TSC1: variants seen among roughly 807,000 people sequenced by gnomAD.
TSC1 encodes TSC complex subunit 1.
Under a neutral mutation model 124.3 loss-of-function variants are expected in TSC1, and 20 were observed. The observed-to-expected ratio is 0.16, with a 90% CI of 0.11 to 0.23. The LOEUF is 0.23. Ranked by LOEUF, TSC1 falls within the 10% of genes least tolerant of loss-of-function variation. The pLI is 1.00. For synonymous variants in TSC1, 493 were observed against 539.1 expected (o/e 0.91, Z 1.19); for missense variants, 1,124 against 1,448.5 (o/e 0.78, Z 3.64).
At chr9:132,925,360 C>T (rs1846794335) in intron 5 of TSC1, among the ~76,000 whole-genome samples, 1 of 152,088 alleles carries the variant, frequency 6.6e-6, no homozygotes, top group African/African-American at 2.4e-5. Flanking sequence ...CCCATCTGAT[C>T]GAAATTTTTC....
chr9:132,928,935 A>T lies in TSC1; in HGVS notation c.-63T>A, dbSNP rs1053386833. On this transcript the variant is annotated 5_prime_UTR_variant, in exon 3 of 23. An upstream start codon of the reference 5' UTR is lost. Coordinates refer to ENST00000298552, the MANE Select transcript of TSC1 (RefSeq NM_000368.5). ...GTGCTACAGGTTCTGAAGGTTCTTCATTGGGGCCACTACCAAACTGAGAAA... is the reference window on the plus strand; with the variant it reads ...GTGCTACAGGTTCTGAAGGTTCTTCTTTGGGGCCACTACCAAACTGAGAAA... 19 of 1,608,726 alleles carry T rather than the reference A, an allele frequency of 1.2e-5. No homozygotes were observed. Among genetic ancestry groups the T allele is most frequent in the African/African-American group, 5.3e-5 (4 of 74,808 alleles).
chr9:132,938,026 T>A (rs2132436794), intron 1 of TSC1, among the ~76,000 whole-genome samples: 1 of 152,302 alleles, frequency 6.6e-6, no homozygotes, highest in Non-Finnish European at 1.5e-5. Flanking sequence ...AAGCAGAGTG[T>A]TTTTGTCCAA....
intron 2 of TSC1, among the ~76,000 whole-genome samples, chr9:132,930,581 C>T (rs1020372591): frequency 1.0e-5 from 1 of 98,072 alleles, no homozygotes; most frequent in African/African-American, 3.9e-5. Flanking sequence ...AAGCAAGACT[C>T]TGCCTCAAAA....
rs1350222885 is a variant in TSC1, at chr9:132,894,996, G to A, written c.*1239C>T. On this transcript the variant is annotated 3_prime_UTR_variant, in exon 23 of 23. Coordinates refer to ENST00000298552, the MANE Select transcript of TSC1 (RefSeq NM_000368.5). ...AGTGTCATCTCTCGGGAGCACGTGG[G>A]GCAGCCTAGTGGGTATACACAGCCA... 4 of 232,292 alleles carry A rather than the reference G, an allele frequency of 1.7e-5. No homozygotes were observed. The highest frequency in any genetic ancestry group is 3.4e-5 in the Non-Finnish European group (4 of 117,352). 14.4% of individuals were successfully genotyped at this position (232,292 alleles called of 1,614,324 possible). A position where few individuals can be genotyped will look rare whatever the true frequency, so the allele number is the denominator to read the frequency against.
rs1258774658 is a variant in TSC1, at chr9:132,925,750, A to G, written c.211-11T>C. Reference sequence around the variant, plus strand: ...CCTGTCCAAGAGGTGCTGAAAATGTAAAAGAACAAGGGCAGTCCTCACATG... The same window carrying G: ...CCTGTCCAAGAGGTGCTGAAAATGTGAAAGAACAAGGGCAGTCCTCACATG... On this transcript the variant is annotated splice_polypyrimidine_tract_variant and intron_variant, in intron 4 of 22. Transcript: ENST00000298552. 28 of 1,614,090 alleles carry G rather than the reference A, an allele frequency of 1.7e-5. No individual in the cohort carries two copies. The highest frequency in any genetic ancestry group is 2.2e-5 in the Non-Finnish European group (26 of 1,180,030).
Position 132,906,910 on chromosome 9 carries a change from T to A in TSC1, c.1334-75A>T. 1 of 1,141,430 alleles carries A rather than the reference T, an allele frequency of 8.8e-7. No individual in the cohort carries two copies. Among genetic ancestry groups the A allele is most frequent in the Non-Finnish European group, 1.3e-6 (1 of 759,320 alleles). The allele number at this position is 1,141,430 out of a possible 1,614,324, so 70.7% of individuals were successfully genotyped here. A position where few individuals can be genotyped will look rare whatever the true frequency, so the allele number is the denominator to read the frequency against. On this transcript the variant is annotated intron_variant, in intron 13 of 22. Transcript: ENST00000298552. This position sits in a 1 kb window ranked among gnomAD's most constrained non-coding sequence, Gnocchi z 4.1. ...TGTAAGTGTAAAACTGCTTACACTG[T>A]ATAGAATATGTCTGTAATAACTCTT...
In TSC1 at chr9:132,896,894, G is replaced by A. The variant is rs182885884; in HGVS notation, c.2976-140C>T. ...CTCTGTTTTATAATACTGGACTCAA[G>A]AGATCTCATCAAGAGAAACCTAAAT... On this transcript the variant is annotated intron_variant, in intron 22 of 22. Transcript: ENST00000298552. The surrounding 1 kb of genome is among the most constrained non-coding windows in gnomAD (Gnocchi z 4.5). 2.4e-5 allele frequency: 33 copies of A among 1,391,448 alleles called. No individual in the cohort carries two copies. The East Asian group carries it at 6.9e-4, about 29-fold the overall frequency. The allele number at this position is 1,391,448 out of a possible 1,614,324, so 86.2% of individuals were successfully genotyped here. A position where few individuals can be genotyped will look rare whatever the true frequency, so the allele number is the denominator to read the frequency against.
At position 132,923,929 on chromosome 9, in the gene TSC1, G is replaced by A. The variant is rs971803854; in HGVS notation, c.364-437C>T. ...TTGTTAATTAAAAAAAAAAAAAACT[G>A]CACATTGACAAGTAACTTACTATTT... is the stretch of plus-strand genomic sequence containing the variant. On this transcript the variant is annotated intron_variant, in intron 5 of 22. Coordinates refer to ENST00000298552, the MANE Select transcript of TSC1 (RefSeq NM_000368.5). The surrounding 1 kb of genome is among the most constrained non-coding windows in gnomAD (Gnocchi z 4.2). Among the ~76,000 whole-genome samples, 3 of 150,506 alleles carry A rather than the reference G, an allele frequency of 2.0e-5. No individual in the cohort carries two copies. Among genetic ancestry groups the A allele is most frequent in the African/African-American group, 7.3e-5 (3 of 40,862 alleles).
In TSC1 at chr9:132,923,906, G is replaced by A. The variant is rs1193285040; in HGVS notation, c.364-414C>T. ...CCAAATCCTAAGATACTTACTTTTT[G>A]TTAATTAAAAAAAAAAAAAACTGCA... On this transcript the variant is annotated intron_variant, in intron 5 of 22. Transcript: ENST00000298552. This position sits in a 1 kb window ranked among gnomAD's most constrained non-coding sequence, Gnocchi z 4.2. Among the ~76,000 whole-genome samples, 1 of 145,008 alleles carries A rather than the reference G, an allele frequency of 6.9e-6. No homozygotes were observed. The highest frequency in any genetic ancestry group is 2.6e-5 in the African/African-American group (1 of 38,048).
At chr9:132,914,020 T>G (rs1322119837) in intron 8 of TSC1, among the ~76,000 whole-genome samples, 2 of 145,880 alleles carry the variant, frequency 1.4e-5, no homozygotes, top group African/African-American at 2.5e-5. Flanking sequence ...TGCCTCAGTC[T>G]CCCGAGTAGC....
chr9:132,898,627 A>G (rs551754883), intron 20 of TSC1, among the ~76,000 whole-genome samples: 1 of 152,320 alleles, frequency 6.6e-6, no homozygotes, highest in East Asian at 1.9e-4. Context: ...GAACGCATCT[A>G]TCTGGCCTTC....
chr9:132,900,664 G>A (rs1372849237), intron 20 of TSC1, 51 bp downstream of exon 20: 1 of 1,611,560 alleles, frequency 6.2e-7, no homozygotes, highest in East Asian at 2.2e-5. Flanking sequence ...CATACTGTCT[G>A]GGTCTGAAAC....
rs1249295180 is a variant in TSC1 at position 132,933,059 on chromosome 9, T to G, written c.-81+1974A>C. On this transcript the variant is annotated intron_variant, in intron 2 of 22. Transcript: ENST00000298552. ...AATCTGGTGGCTGTCTGGCTTTGGC[T>G]TTGGTGTTTTGTTTGTTTTTAATTG... Among the ~76,000 whole-genome samples, 5 of 152,176 alleles carry G rather than the reference T, an allele frequency of 3.3e-5. No homozygotes were observed. In the East Asian group the frequency reaches 7.7e-4, roughly 23 times the overall value.
At chr9:132,935,150 C>A in intron 1 of TSC1, 55 bp from the exon 2 acceptor site, 1 of 398,562 alleles carries the variant, frequency 2.5e-6, no homozygotes, top group Non-Finnish European at 4.4e-6. Flanking sequence ...TAATCAAAAG[C>A]GGGTTAGGGG....
At chr9:132,929,140 A>C (rs1282026002) in intron 2 of TSC1, among the ~76,000 whole-genome samples, 188 bp from the exon 3 acceptor site, 2 of 152,258 alleles carry the variant, frequency 1.3e-5, no homozygotes, top group Non-Finnish European at 2.9e-5. Flanking sequence ...TTCTTTGGCG[A>C]GTTTATGAAG....
Position 132,927,184 on chromosome 9 carries a change from G to A in TSC1, c.210+17C>T, listed in dbSNP as rs1432418711. On this transcript the variant is annotated intron_variant, in intron 4 of 22. Coordinates refer to ENST00000298552, the MANE Select transcript of TSC1 (RefSeq NM_000368.5). ...CATGAAGAACATATGAAATGCCTAT[G>A]ATATTTCAGCCATTACCTTGTCATG... 1.2e-6 allele frequency: 2 copies of A among 1,611,010 alleles called. No homozygotes were observed. The highest frequency in any genetic ancestry group is 2.2e-5 in the East Asian group (1 of 44,880).
intron 2 of TSC1, among the ~76,000 whole-genome samples, chr9:132,931,651 C>G (rs1039898423): frequency 2.0e-5 from 3 of 152,114 alleles, no homozygotes; most frequent in Admixed American, 2.0e-4. Flanking sequence ...CTAAAAAGCC[C>G]TCCTAAGAGT....
rs557685539 is a variant in TSC1 at position 132,908,096 on chromosome 9, AAAT to A, written c.1264-729_1264-727del. On this transcript the variant is annotated intron_variant, in intron 12 of 22. Transcript: ENST00000298552. Reference sequence around the variant, plus strand: ...AGTGAGACCCTGTCTCACACACACAAAATAATAATAATAATGAGAAAGTTGGAG... The same window carrying A: ...AGTGAGACCCTGTCTCACACACACAAAATAATAATAATGAGAAAGTTGGAG... Among the ~76,000 whole-genome samples, 35 of 152,174 alleles carry A rather than the reference AAAT, an allele frequency of 2.3e-4. No individual in the cohort carries two copies. In the South Asian group the frequency reaches 6.2e-3, roughly 27 times the overall value.
upstream of TSC1, chr9:132,945,268 G>A (rs1463491880): frequency 6.6e-6 from 1 of 152,280 alleles, no homozygotes; most frequent in Non-Finnish European, 1.5e-5. Flanking sequence ...CGGGATTGCG[G>A]GGGACCCCCC....
Sources: gnomAD v4.1 joint callset for allele counts (sites outside exome capture counted in the v4.1 genomes callset) on GRCh38, gnomAD v4.1.1 for gene constraint, Gnocchi (gnomAD v3.1) non-coding constraint, MANE v1.5 for transcripts, NCBI Gene and HGNC (gene_info 2026-07-23, HGNC 2026-07-21) for gene names.